TNIK: variants seen among roughly 807,000 people sequenced by gnomAD.
The protein encoded by TNIK is TRAF2 and NCK interacting kinase, also known as TRAF2 and NCK-interacting protein kinase.
A neutral mutation model predicts 191.3 loss-of-function variants in TNIK; 49 were observed. The observed-to-expected ratio is 0.26, with a 90% CI of 0.20 to 0.32. The LOEUF (loss-of-function observed/expected upper bound fraction) is 0.32, where lower values mean the gene tolerates loss of function less well. Ranked by LOEUF, TNIK falls within the 10% of genes least tolerant of loss-of-function variation. The pLI, the probability that TNIK is intolerant of heterozygous loss-of-function variation, is 1.00. For synonymous variants in TNIK, 594 were observed against 600.9 expected, an observed-to-expected ratio of 0.99 and a Z score of 0.17; for missense variants, 1,155 against 1,702.3, an observed-to-expected ratio of 0.68 and a Z score of 5.66.
At chr3:171,221,468 C>G (rs1237046230) in intron 3 of TNIK, among the ~76,000 whole-genome samples, 1 of 152,126 alleles carries the variant, frequency 6.6e-6, no homozygotes, top group Non-Finnish European at 1.5e-5. Context: ...TATTGGCCAC[C>G]CAGCTAGGTC....
intron 19 of TNIK, among the ~76,000 whole-genome samples, chr3:171,108,876 G>A (rs1260636740): frequency 6.6e-6 from 1 of 152,188 alleles, no homozygotes; most frequent in Admixed American, 6.5e-5. Flanking sequence ...GACAGCTGCA[G>A]AGTGAATAGC....
In TNIK at chr3:171,101,493, C is replaced by A. The variant is rs1011198300; in HGVS notation, c.2547G>T (p.Glu849Asp). The change falls in exon 22 of 33, where the codon GAG (glutamate) becomes GAT (aspartate). Residue 849 changes from glutamate (E) to aspartate (D), a missense_variant. Physicochemically the swap from Glu to Asp is conservative, Grantham distance 45. This residue lies in a region of TNIK where 735 missense variants were observed against 848.0 expected (regional missense o/e 0.87). Coordinates refer to ENST00000436636, the MANE Select transcript of TNIK (RefSeq NM_015028.4). ...SEEEEEDGES[E>D]THDGTVAVSD... is the part of the protein sequence containing the mutation. ...TGACAGCCACTGTCCCATCATGGGT[C>A]TCGCTCTCTCCATCTTCCTCCTCTT... 1 of 1,613,486 alleles carries A rather than the reference C, an allele frequency of 6.2e-7. No individual in the cohort carries two copies. Among genetic ancestry groups the A allele is most frequent in the African/African-American group, 1.3e-5 (1 of 75,008 alleles).
rs182901278 is a variant in TNIK at position 171,288,594 on chromosome 3, G to T, written c.124-60373C>A. Among the ~76,000 whole-genome samples, 671 of 152,124 alleles carry T rather than the reference G, an allele frequency of 4.4e-3. 3 individuals are homozygous for T. Among genetic ancestry groups the T allele is most frequent in the African/African-American group, 0.014 (600 of 41,520 alleles). ...GAGGCTGGGGAGGGCAGATCACAAG[G>T]TCAGGAGATCAAGACCATCCTGGCT... On this transcript the variant is annotated intron_variant, in intron 2 of 32. Transcript: ENST00000436636.
At chr3:171,208,285 C>T (rs1740349871) in intron 4 of TNIK, among the ~76,000 whole-genome samples, 1 of 151,990 alleles carries the variant, frequency 6.6e-6, no homozygotes, top group African/African-American at 2.4e-5. Flanking sequence ...GGTGCCACCG[C>T]ACTCCAGCCT....
chr3:171,453,515 T>A lies in TNIK; in HGVS notation c.57+6492A>T, dbSNP rs140859986. On this transcript the variant is annotated intron_variant, in intron 1 of 32. Coordinates refer to ENST00000436636, the MANE Select transcript of TNIK (RefSeq NM_015028.4). ...AGCTCGGTGGGAGGCCCCTCTGAAT[T>A]GCCGCTGGTCTTAACATGCTAAAGA... Among the ~76,000 whole-genome samples, 271 of 151,828 alleles carry A rather than the reference T, an allele frequency of 1.8e-3. 1 individual carries two copies. Among genetic ancestry groups the A allele is most frequent in the African/African-American group, 6.3e-3 (262 of 41,378 alleles).
intron 12 of TNIK, among the ~76,000 whole-genome samples, chr3:171,142,623 G>A (rs1576946505): frequency 6.6e-6 from 1 of 152,230 alleles, no homozygotes; most frequent in South Asian, 2.1e-4. Context: ...GTACCAGCAT[G>A]AGGCAAGTCC....
At chr3:171,139,702 GA>G in intron 13 of TNIK, 146 bp from the exon 14 acceptor site, 1 of 696,662 alleles carries the variant, frequency 1.4e-6, no homozygotes, top group Non-Finnish European at 2.5e-6. Flanking sequence ...AAAGCAGGAA[GA>G]GTATGTCACA....
At position 171,460,314 on chromosome 3, in the gene TNIK, C is replaced by T. The variant is rs1276586744; in HGVS notation, c.-251G>A. On this transcript the variant is annotated 5_prime_UTR_variant, in exon 1 of 33. Transcript: ENST00000436636. The surrounding 1 kb of genome is among the most constrained non-coding windows in gnomAD (Gnocchi z 6.8). ...AGCGGTGCGTGTGGGCTGAGCGCCC[C>T]GATCGGCTAAGGGCGCTGGGGCTGC... The T allele has an allele frequency of 3.5e-6, 2 of 576,028 alleles. No homozygotes were observed. The highest frequency in any genetic ancestry group is 6.1e-6 in the Non-Finnish European group (2 of 325,932). 35.7% of individuals were successfully genotyped at this position (576,028 alleles called of 1,614,324 possible). A position where few individuals can be genotyped will look rare whatever the true frequency, so the allele number is the denominator to read the frequency against.
intron 2 of TNIK, among the ~76,000 whole-genome samples, chr3:171,267,921 A>G (rs1283521389): frequency 6.6e-6 from 1 of 152,152 alleles, no homozygotes; most frequent in African/African-American, 2.4e-5. Flanking sequence ...AAGACCTCAT[A>G]TCCACTCCCT....
intron 12 of TNIK, among the ~76,000 whole-genome samples, chr3:171,156,946 A>G (rs1733262981): frequency 6.6e-6 from 1 of 152,156 alleles, no homozygotes; most frequent in Non-Finnish European, 1.5e-5. Context: ...CTACTGACCC[A>G]TTCATTCATA....
At chr3:171,439,160 T>C (rs1402565049) in intron 1 of TNIK, among the ~76,000 whole-genome samples, 2 of 151,272 alleles carry the variant, frequency 1.3e-5, no homozygotes, top group Admixed American at 6.6e-5. Flanking sequence ...CTGGCTAACA[T>C]GGTGAAACCC....
chr3:171,406,607 A>T (rs1291783884), intron 1 of TNIK, among the ~76,000 whole-genome samples: 1 of 151,766 alleles, frequency 6.6e-6, no homozygotes, highest in African/African-American at 2.4e-5. Context: ...ATTATCTCTT[A>T]TTTTTCTGGT....
chr3:171,218,563 C>G (rs1741750807), intron 3 of TNIK, among the ~76,000 whole-genome samples: 1 of 148,122 alleles, frequency 6.8e-6, no homozygotes, highest in Non-Finnish European at 1.5e-5. Context: ...AAACAGTGTA[C>G]TTTATAATGT....
chr3:171,140,651 G>T, intron 12 of TNIK, 142 bp from the exon 13 acceptor site: 1 of 710,490 alleles, frequency 1.4e-6, no homozygotes, highest in South Asian at 1.7e-5. Flanking sequence ...TCTCTCCGGG[G>T]CTGTTGGAGG....
At chr3:171,155,890 C>G (rs528117268) in intron 12 of TNIK, among the ~76,000 whole-genome samples, 2 of 152,320 alleles carry the variant, frequency 1.3e-5, no homozygotes, top group African/African-American at 4.8e-5. Context: ...GCAGGCCAAT[C>G]CCCTGGATCT....
intron 10 of TNIK, among the ~76,000 whole-genome samples, chr3:171,163,603 G>A (rs2108744853): frequency 6.6e-6 from 1 of 152,174 alleles, no homozygotes; most frequent in Middle Eastern, 3.4e-3. Flanking sequence ...TAAAGAACCT[G>A]CATAAAGCAT....
chr3:171,426,688 G>A (rs560843223), intron 1 of TNIK, among the ~76,000 whole-genome samples: 82 of 151,992 alleles, frequency 5.4e-4, no homozygotes, highest in African/African-American at 1.9e-3. Flanking sequence ...GAGTCTCCAG[G>A]GCTTCTCCAC....
At chr3:171,177,109 CT>C (rs80076554) in intron 8 of TNIK, among the ~76,000 whole-genome samples, 2,177 of 145,642 alleles carry the variant, frequency 0.015, 47 homozygotes, top group African/African-American at 0.049. Context: ...CTTTTTCTTC[CT>C]TTTTTTTTTT....
At chr3:171,239,006 T>A (rs974277522) in intron 2 of TNIK, among the ~76,000 whole-genome samples, 3 of 152,210 alleles carry the variant, frequency 2.0e-5, no homozygotes, top group African/African-American at 4.8e-5. Flanking sequence ...TCTAAATTTT[T>A]AAAAAACCTA....
Sources: gnomAD v4.1 joint callset for allele counts (sites outside exome capture counted in the v4.1 genomes callset) on GRCh38, gnomAD v4.1.1 for gene constraint, gnomAD v4.1.1 regional missense constraint, Gnocchi (gnomAD v3.1) non-coding constraint, MANE v1.5 for transcripts, NCBI Gene and HGNC (gene_info 2026-07-23, HGNC 2026-07-21) for gene names.